Variants in ACP3 observed in about 807,000 individuals in gnomAD.
The protein encoded by ACP3 is acid phosphatase 3, also known as prostatic acid phosphatase.
A neutral mutation model predicts 45.6 loss-of-function variants in ACP3; 38 were observed. The observed-to-expected ratio is 0.83, with a 90% confidence interval of 0.64 to 1.09. ACP3 has a LOEUF of 1.09. Among genes scored for constraint, ACP3 ranks in the 50% least tolerant of loss-of-function variants. The pLI, the probability that ACP3 is intolerant of heterozygous loss-of-function variation, is 0.00. For missense variants in ACP3, 466 were observed against 463.2 expected, an observed-to-expected ratio of 1.01 and a Z score of -0.05; for synonymous variants, 162 against 164.7, an observed-to-expected ratio of 0.98 and a Z score of 0.13.
At chr3:132,325,571 A>G (rs1223766658) in intron 1 of ACP3, among the ~76,000 whole-genome samples, 1 of 121,016 alleles carries the variant, frequency 8.3e-6, no homozygotes, top group Non-Finnish European at 1.7e-5. Context: ...TTCCGTATCA[A>G]GGTTTTGGTT....
chr3:132,352,693 C>T (rs73003109), intron 8 of ACP3, 27 bp from the exon 9 acceptor site: 10 of 1,508,922 alleles, frequency 6.6e-6, no homozygotes, highest in African/African-American at 1.4e-5. Flanking sequence ...TCTGAACAGG[C>T]GATAAAATTG....
intron 5 of ACP3, 58 bp downstream of exon 5, chr3:132,337,612 GA>G: frequency 9.0e-7 from 1 of 1,115,644 alleles, no homozygotes; most frequent in South Asian, 1.5e-5. Context: ...ACTTGAGTGT[GA>G]GGGCCAAGAC....
intron 1 of ACP3, among the ~76,000 whole-genome samples, chr3:132,323,170 GAA>G (rs60981392): frequency 7.0e-6 from 1 of 142,830 alleles, no homozygotes; most frequent in Admixed American, 7.0e-5. Context: ...TGAAAGAAAG[GAA>G]AAAAAAAAAG....
chr3:132,345,040 G>T lies in ACP3; in HGVS notation c.762G>T (p.Glu254Asp). The change falls in exon 7 of 10, where the codon GAG becomes GAT. Residue 254 changes from glutamate (E) to aspartate (D), a missense_variant. Glu to Asp is a conservative substitution (Grantham distance 45, BLOSUM62 2). Coordinates refer to ENST00000336375, the MANE Select transcript of ACP3 (RefSeq NM_001099.5). ...LSLYGIHKQK[E>D]KSRLQGGVLV... ...TCTATGGAATTCACAAGCAGAAAGA[G>T]AAATCTAGGCTCCAAGGGGGTAAGT... The T allele has an allele frequency of 6.2e-7, 1 of 1,613,470 alleles. No homozygotes were observed. Among genetic ancestry groups the T allele is most frequent in the Non-Finnish European group, 8.5e-7 (1 of 1,179,660 alleles).
downstream of ACP3, among the ~76,000 whole-genome samples, chr3:132,359,006 A>G (rs1160031641): frequency 6.6e-6 from 1 of 152,210 alleles, no homozygotes; most frequent in Non-Finnish European, 1.5e-5. Flanking sequence ...TGCCTCATCT[A>G]TTTAAGATGG....
At chr3:132,365,451 T>A (rs990935052) in intron 10 of ACP3, among the ~76,000 whole-genome samples, 1 of 152,164 alleles carries the variant, frequency 6.6e-6, no homozygotes, top group Non-Finnish European at 1.5e-5. Flanking sequence ...CAGGACTGCT[T>A]GGCATGTTTG....
At chr3:132,333,143 TA>T (rs1382232280) in intron 4 of ACP3, among the ~76,000 whole-genome samples, 4 of 152,082 alleles carry the variant, frequency 2.6e-5, no homozygotes, top group Admixed American at 2.6e-4. Context: ...GTTTGAAAAA[TA>T]ATCTCCCTCG....
At chr3:132,324,365 G>A (rs560458344) in intron 1 of ACP3, among the ~76,000 whole-genome samples, 105 of 152,250 alleles carry the variant, frequency 6.9e-4, no homozygotes, top group African/African-American at 2.5e-3. Context: ...CATTCATGGG[G>A]GCACCAAACC....
chr3:132,344,807 G>T, intron 6 of ACP3, 120 bp from the exon 7 acceptor site: 1 of 1,163,764 alleles, frequency 8.6e-7, no homozygotes, highest in South Asian at 1.6e-5. Context: ...CTTTTAGAAA[G>T]AAATGGCAGG....
rs1331888093 is a variant in ACP3 at position 132,317,417 on chromosome 3, C to G, written c.-40C>G. Reference sequence around the variant, plus strand: ...CCTCTACAGGCTTTTGAAGTGGTAGCAGTTCCTCCTAACTCCTGCCAGAAA... The same window carrying G: ...CCTCTACAGGCTTTTGAAGTGGTAGGAGTTCCTCCTAACTCCTGCCAGAAA... On this transcript the variant is annotated 5_prime_UTR_variant, in exon 1 of 10. Transcript: ENST00000336375. 6.3e-7 allele frequency: 1 copy of G among 1,597,412 alleles called. No homozygotes were observed. The highest frequency in any genetic ancestry group is 2.2e-5 in the East Asian group (1 of 44,662).
intron 9 of ACP3, among the ~76,000 whole-genome samples, chr3:132,353,053 G>GA (rs1937795660): frequency 6.6e-6 from 1 of 152,094 alleles, no homozygotes; most frequent in Non-Finnish European, 1.5e-5. Flanking sequence ...AATAGCCTAT[G>GA]TAACAGAAAT....
downstream of ACP3, among the ~76,000 whole-genome samples, chr3:132,363,735 C>T (rs1394953284): frequency 6.6e-6 from 1 of 150,938 alleles, no homozygotes; most frequent in Non-Finnish European, 1.5e-5. Context: ...GTCAGGAGTT[C>T]GAGACCAGCC....
At chr3:132,362,141 T>C (rs534789229), downstream of ACP3, among the ~76,000 whole-genome samples, 157 of 152,206 alleles carry the variant, frequency 1.0e-3, no homozygotes, top group Non-Finnish European at 1.7e-3. Context: ...TAACTTCTCT[T>C]TTGAAAGCCA....
intron 1 of ACP3, among the ~76,000 whole-genome samples, chr3:132,324,810 T>C (rs1285118514): frequency 6.6e-6 from 1 of 152,038 alleles, no homozygotes; most frequent in Non-Finnish European, 1.5e-5. Context: ...ACCCAGCTAA[T>C]TTTTGTATTT....
chr3:132,348,416 C>T (rs1265957933), intron 7 of ACP3, among the ~76,000 whole-genome samples: 2 of 152,072 alleles, frequency 1.3e-5, no homozygotes, highest in Admixed American at 1.3e-4. Flanking sequence ...TCAGTTTCCC[C>T]TATAAAACAG....
At chr3:132,337,430 T>C in intron 4 of ACP3, 26 bp from the exon 5 acceptor site, 1 of 1,496,270 alleles carries the variant, frequency 6.7e-7, no homozygotes, top group Non-Finnish European at 9.2e-7. Context: ...CTCATAACAG[T>C]TTTATGATTT....
chr3:132,359,235 A>G (rs943159867), downstream of ACP3, among the ~76,000 whole-genome samples: 3 of 152,224 alleles, frequency 2.0e-5, no homozygotes, highest in South Asian at 2.1e-4. Flanking sequence ...GTTTGAGGCC[A>G]GGCGAGGTGG....
At chr3:132,347,110 T>C (rs1237980766) in intron 7 of ACP3, among the ~76,000 whole-genome samples, 1 of 152,240 alleles carries the variant, frequency 6.6e-6, no homozygotes, top group African/African-American at 2.4e-5. Context: ...TATGAGGAGA[T>C]TAAACTAGAC....
chr3:132,367,821 G>C (rs755473785), exon 11 of ACP3: 1 of 1,607,008 alleles, frequency 6.2e-7, no homozygotes, highest in Non-Finnish European at 8.5e-7. Flanking sequence ...GGGAACATCT[G>C]AACAGACAGC....
Sources: allele counts gnomAD v4.1 joint callset (sites outside exome capture counted in the v4.1 genomes callset), GRCh38; gene constraint gnomAD v4.1.1; transcripts MANE v1.5; gene names NCBI Gene and HGNC (gene_info 2026-07-23, HGNC 2026-07-21).